The following CCSER1 variants were observed in gnomAD, a reference collection of about 807,000 sequenced individuals.
CCSER1 encodes the protein coiled-coil serine rich protein 1, also known as serine-rich coiled-coil domain-containing protein 1.
In CCSER1, 41 loss-of-function variants were observed where a neutral mutation model predicts 82.0. The ratio of observed to expected loss-of-function variants is 0.50; its 90% CI spans 0.39 to 0.65. The LOEUF is 0.65. Ranked by LOEUF, CCSER1 falls within the 30% of genes least tolerant of loss-of-function variation. The probability of loss-of-function intolerance (pLI) is 0.00; values close to 1 mark genes in which losing one functional copy is unlikely to be tolerated. For synonymous variants in CCSER1, 414 were observed against 383.9 expected (o/e 1.08, Z -0.92); for missense variants, 1,119 against 1,064.2 (o/e 1.05, Z -0.72).
rs1730139861 is a variant in CCSER1, at chr4:90,932,954, GAAAGAAAGAAAGAAAGAAAGAAAGAA to G, written c.2172+9509_2172+9534del. On this transcript the variant is annotated intron_variant, in intron 9 of 10. Coordinates refer to ENST00000509176, the MANE Select transcript of CCSER1 (RefSeq NM_001145065.2). ...AGAAAGAAAGAAAGAAAGAAAGAAA[GAAAGAAAGAAAGAAAGAAAGAAAGAA>G]AGAGAAAGAAAGAAAGAAAGAAAGA... Among the ~76,000 whole-genome samples, 5 of 32,592 alleles carry G rather than the reference GAAAGAAAGAAAGAAAGAAAGAAAGAA, an allele frequency of 1.5e-4. 1 individual carries two copies. The highest frequency in any genetic ancestry group is 1.2e-3 in the African/African-American group (5 of 4,292). The allele number at this position is 32,592 out of a possible 152,430, so 21.4% of individuals were successfully genotyped here. A position where few individuals can be genotyped will look rare whatever the true frequency, so the allele number is the denominator to read the frequency against.
At chr4:91,435,339 G>C (rs1222002122) in intron 10 of CCSER1, among the ~76,000 whole-genome samples, 1 of 151,954 alleles carries the variant, frequency 6.6e-6, no homozygotes, top group African/African-American at 2.4e-5. Flanking sequence ...TACTCTGGAG[G>C]CTGAGGTGGG....
intron 1 of CCSER1, among the ~76,000 whole-genome samples, chr4:90,267,075 A>G (rs757246204): frequency 6.6e-6 from 1 of 152,010 alleles, no homozygotes; most frequent in Non-Finnish European, 1.5e-5. Context: ...TTTGGACAGC[A>G]TTTCTAGGCC....
chr4:90,231,326 T>C (rs1744490670), intron 1 of CCSER1, among the ~76,000 whole-genome samples: 1 of 151,836 alleles, frequency 6.6e-6, no homozygotes, highest in Non-Finnish European at 1.5e-5. Flanking sequence ...TATACGCAAA[T>C]CAATAAATGT....
At chr4:91,403,276 C>T (rs536015902) in intron 10 of CCSER1, among the ~76,000 whole-genome samples, 51 of 152,292 alleles carry the variant, frequency 3.3e-4, no homozygotes, top group African/African-American at 1.2e-3. Context: ...AGTCGCTTAT[C>T]AGATTAAGGA....
chr4:91,305,824 G>T (rs1185216073), intron 10 of CCSER1, among the ~76,000 whole-genome samples: 1 of 151,930 alleles, frequency 6.6e-6, no homozygotes, highest in African/African-American at 2.4e-5. Context: ...GGAGGAGCAA[G>T]GCGCCTCTTA....
intron 10 of CCSER1, among the ~76,000 whole-genome samples, chr4:91,360,424 C>CA (rs139430791): frequency 2.7e-5 from 4 of 150,558 alleles, no homozygotes; most frequent in Non-Finnish European, 4.4e-5. Flanking sequence ...CTTCAAATGT[C>CA]AAAAAAAAAT....
At chr4:90,561,962 A>G (rs1274067761) in intron 5 of CCSER1, among the ~76,000 whole-genome samples, 1 of 151,902 alleles carries the variant, frequency 6.6e-6, no homozygotes, top group African/African-American at 2.4e-5. Flanking sequence ...CTGAAGCGGG[A>G]AGGATCACCT....
intron 6 of CCSER1, among the ~76,000 whole-genome samples, chr4:90,657,868 C>G (rs1179456305): frequency 6.6e-6 from 1 of 152,180 alleles, no homozygotes; most frequent in African/African-American, 2.4e-5. Flanking sequence ...CTTTGGGAGG[C>G]CCAGGAGGGT....
chr4:90,591,108 T>C (rs988953106), intron 5 of CCSER1, among the ~76,000 whole-genome samples: 1 of 152,144 alleles, frequency 6.6e-6, no homozygotes, highest in African/African-American at 2.4e-5. Context: ...TTGTCTAATA[T>C]TGGTGTATAG....
At chr4:90,481,812 G>A (rs548297762) in intron 5 of CCSER1, among the ~76,000 whole-genome samples, 1 of 152,326 alleles carries the variant, frequency 6.6e-6, no homozygotes, top group East Asian at 1.9e-4. Flanking sequence ...GTTCATCAAG[G>A]ATATTGGTCT....
chr4:91,183,149 A>G (rs182672649), intron 10 of CCSER1, among the ~76,000 whole-genome samples: 63 of 152,342 alleles, frequency 4.1e-4, no homozygotes, highest in African/African-American at 1.4e-3. Flanking sequence ...CAATTCGGTA[A>G]ATAAAGTCAT....
chr4:90,382,425 C>T (rs935209743), intron 3 of CCSER1, among the ~76,000 whole-genome samples: 4 of 152,012 alleles, frequency 2.6e-5, no homozygotes, highest in South Asian at 2.1e-4. Flanking sequence ...TCAGTAGGTA[C>T]TTAAGCACTA....
chr4:91,170,332 A>G (rs956802915), intron 10 of CCSER1, among the ~76,000 whole-genome samples: 2 of 152,220 alleles, frequency 1.3e-5, no homozygotes, highest in African/African-American at 4.8e-5. Context: ...ATGATAAATC[A>G]TGCACTGTAT....
intron 6 of CCSER1, among the ~76,000 whole-genome samples, chr4:90,712,051 T>C (rs1256153915): frequency 2.0e-5 from 3 of 151,234 alleles, no homozygotes; most frequent in African/African-American, 7.3e-5. Flanking sequence ...TCTTTATTAG[T>C]CTAGCTAGTG....
chr4:90,645,296 T>A (rs1248273880), intron 6 of CCSER1, among the ~76,000 whole-genome samples: 3 of 152,186 alleles, frequency 2.0e-5, no homozygotes, highest in African/African-American at 7.2e-5. Flanking sequence ...TTGTTTTGTT[T>A]TTAAGAAATA....
At chr4:90,540,188 C>G (rs1382027849) in intron 5 of CCSER1, among the ~76,000 whole-genome samples, 1 of 151,960 alleles carries the variant, frequency 6.6e-6, no homozygotes, top group Non-Finnish European at 1.5e-5. Context: ...TCAATGCAAA[C>G]TATTAGGGAG....
At chr4:90,856,358 G>A (rs562729228) in intron 8 of CCSER1, among the ~76,000 whole-genome samples, 86 of 152,144 alleles carry the variant, frequency 5.7e-4, no homozygotes, top group Non-Finnish European at 9.4e-4. Flanking sequence ...AGTAACATTC[G>A]ATGTATCAAA....
chr4:91,081,878 G>C (rs1299777685), intron 9 of CCSER1, among the ~76,000 whole-genome samples: 1 of 152,092 alleles, frequency 6.6e-6, no homozygotes, highest in African/African-American at 2.4e-5. Flanking sequence ...ACCTCTTCAA[G>C]GAGAACTACA....
At chr4:90,864,818 A>G (rs577545594) in intron 8 of CCSER1, among the ~76,000 whole-genome samples, 24 of 152,150 alleles carry the variant, frequency 1.6e-4, no homozygotes, top group African/African-American at 3.4e-4. Context: ...CTGCAAGTCG[A>G]TATCTGTTGA....
Sources: gnomAD v4.1 joint callset for allele counts (sites outside exome capture counted in the v4.1 genomes callset) on GRCh38, gnomAD v4.1.1 for gene constraint, MANE v1.5 for transcripts, NCBI Gene and HGNC (gene_info 2026-07-23, HGNC 2026-07-21) for gene names.